CEP135: variants seen among roughly 807,000 people sequenced by gnomAD.
The protein encoded by CEP135 is centrosomal protein of 135 kDa.
A neutral mutation model predicts 157.3 loss-of-function variants in CEP135; 142 were observed. The observed-to-expected ratio is 0.90, with a 90% confidence interval of 0.79 to 1.04. The LOEUF (loss-of-function observed/expected upper bound fraction) is 1.04, where lower values mean the gene tolerates loss of function less well. Ranked by LOEUF, CEP135 falls within the 50% of genes least tolerant of loss-of-function variation. CEP135 has a pLI of 0.00. For missense variants in CEP135, 1,317 were observed against 1,309.2 expected, an observed-to-expected ratio of 1.01 and a Z score of -0.09; for synonymous variants, 396 against 439.8, an observed-to-expected ratio of 0.90 and a Z score of 1.25.
In CEP135 at chr4:55,974,749, G is replaced by A. The variant is rs771786476; in HGVS notation, c.1253G>A (p.Arg418Gln). 5.0e-6 allele frequency: 8 copies of A among 1,608,740 alleles called. No homozygotes were observed. The highest frequency in any genetic ancestry group is 4.5e-5 in the East Asian group (2 of 44,802). Residue 418 changes from arginine (R) to glutamine (Q), a missense_variant, in exon 11 of 26, where the codon CGA becomes CAA. Arg to Gln is a conservative substitution (Grantham distance 43). Transcript: ENST00000257287. ...KKVESFAVTE[R>Q]QLTLEVERMR... The stretch of plus-strand genomic sequence containing the variant: ...AGTTAACCACTTTAATTTACAGAAC[G>A]ACAACTTACTCTGGAGGTTGAGAGG...
chr4:55,999,237 A>AT (rs1560415867), intron 15 of CEP135, 65 bp from the exon 16 acceptor site: 2 of 1,278,056 alleles, frequency 1.6e-6, no homozygotes, highest in Admixed American at 4.6e-5. Flanking sequence ...AAGAAATCTC[A>AT]TTTTTTAAAC....
intron 8 of CEP135, 43 bp downstream of exon 8, chr4:55,965,902 C>T: frequency 1.4e-6 from 2 of 1,465,542 alleles, no homozygotes; most frequent in Non-Finnish European, 1.9e-6. Context: ...TTCATTAATT[C>T]TCCTAGCACA....
At chr4:56,023,357 G>C (rs547254624) in intron 24 of CEP135, among the ~76,000 whole-genome samples, 8 of 152,228 alleles carry the variant, frequency 5.3e-5, no homozygotes, top group African/African-American at 1.7e-4. Flanking sequence ...TGTCATGCAA[G>C]CTAAGGGTGG....
At chr4:56,006,482 T>G (rs1309674871) in intron 17 of CEP135, among the ~76,000 whole-genome samples, 1 of 152,148 alleles carries the variant, frequency 6.6e-6, no homozygotes, top group Non-Finnish European at 1.5e-5. Context: ...CCAAGTGTGG[T>G]GATGTGCACC....
Position 55,957,380 on chromosome 4 carries a change from C to T in CEP135, c.614+16C>T. ...CTGATAACAGGTGCATTAAATAATT[C>T]TTTCTTGGCTTGAGTTAATTGAGCA... On this transcript the variant is annotated intron_variant, in intron 5 of 25. Coordinates refer to ENST00000257287, the MANE Select transcript of CEP135 (RefSeq NM_025009.5). The T allele has an allele frequency of 6.2e-7, 1 of 1,603,360 alleles. No homozygotes were observed. Among genetic ancestry groups the T allele is most frequent in the Non-Finnish European group, 8.5e-7 (1 of 1,177,070 alleles).
chr4:56,019,204 T>C, intron 22 of CEP135, 149 bp from the exon 23 acceptor site: 1 of 610,256 alleles, frequency 1.6e-6, no homozygotes, highest in South Asian at 2.3e-5. Flanking sequence ...TTCTTATACT[T>C]AAAGAAACAG....
At chr4:55,972,487 A>G (rs78176835) in intron 10 of CEP135, among the ~76,000 whole-genome samples, 3,727 of 152,312 alleles carry the variant, frequency 0.024, 67 homozygotes, top group Admixed American at 0.06. Flanking sequence ...GAAACTTGGT[A>G]CCATCAAACT....
chr4:56,008,364 A>T lies in CEP135; in HGVS notation c.2318A>T (p.Glu773Val), dbSNP rs1380632131. ...GCTCAAATGAAGATAATGATCTCAG[A>T]GTGTGAATCATCTGTGAAGTAAGTC... ...AVAQMKIMIS[E>V]CESSVNQLKE... Residue 773 changes from glutamate to valine, a missense_variant, in exon 18 of 26, where the codon GAG becomes GTG. Coordinates refer to ENST00000257287, the MANE Select transcript of CEP135 (RefSeq NM_025009.5). 6.2e-7 allele frequency: 1 copy of T among 1,610,056 alleles called. No individual in the cohort carries two copies. The highest frequency in any genetic ancestry group is 1.3e-5 in the African/African-American group (1 of 74,854).
intron 4 of CEP135, among the ~76,000 whole-genome samples, chr4:55,956,999 G>T (rs1184027533): frequency 6.6e-6 from 1 of 152,094 alleles, no homozygotes; most frequent in East Asian, 1.9e-4. Context: ...AAGCTTGCAG[G>T]CATATAAAAC....
chr4:55,949,781 A>T (rs1024645972), intron 1 of CEP135, among the ~76,000 whole-genome samples: 1 of 152,232 alleles, frequency 6.6e-6, no homozygotes, highest in Non-Finnish European at 1.5e-5. Flanking sequence ...GATGGGGGTT[A>T]TGGGGAAAGA....
chr4:55,992,147 T>G (rs1560413082), intron 15 of CEP135, 62 bp downstream of exon 15: 14 of 1,511,042 alleles, frequency 9.3e-6, no homozygotes, highest in Non-Finnish European at 1.3e-5. Context: ...TATGTAAAGT[T>G]TATAATCATG....
At position 56,019,450 on chromosome 4, in the gene CEP135, T is replaced by C; in HGVS notation, c.3110T>C (p.Leu1037Ser). The C allele has an allele frequency of 6.2e-7, 1 of 1,614,030 alleles. No individual in the cohort carries two copies. The highest frequency in any genetic ancestry group is 8.5e-7 in the Non-Finnish European group (1 of 1,179,924). Reference protein sequence around the residue: ...RHTVKNLESLLATNRDKEFHS... With the variant: ...RHTVKNLESLSATNRDKEFHS... ...ACAGTTAAAAACCTCGAATCATTGT[T>C]GGCTACAAACAGAGATAAAGAATTT... The change falls in exon 23 of 26, where the codon TTG (leucine) becomes TCG (serine). Residue 1037 changes from leucine (L) to serine (S), a missense_variant. By Grantham distance (145) the Leu-to-Ser change is moderately radical. Transcript: ENST00000257287.
At chr4:56,012,112 C>T in intron 21 of CEP135, 127 bp downstream of exon 21, 3 of 569,734 alleles carry the variant, frequency 5.3e-6, no homozygotes, top group Non-Finnish European at 8.2e-6. Flanking sequence ...GGCTGGAGTG[C>T]AATGGCACGA....
chr4:56,030,770 A>G (rs1731312726), intron 25 of CEP135, among the ~76,000 whole-genome samples: 1 of 152,084 alleles, frequency 6.6e-6, no homozygotes, highest in South Asian at 2.1e-4. Flanking sequence ...TTCTTGTTAT[A>G]ATGCAGTATC....
chr4:55,961,764 T>TAAAAAAAAAAAAAAAAA (rs564116620), intron 6 of CEP135, among the ~76,000 whole-genome samples: 1 of 54,186 alleles, frequency 1.8e-5, no homozygotes, highest in Non-Finnish European at 3.2e-5. Context: ...AAACTCTGTC[T>TAAAAAAAAAAAAAAAAA]AAAAAAAAAA....
rs199977626 is a variant in CEP135, at chr4:56,009,817, G to C, written c.2419G>C (p.Asp807His). 5 of 1,613,996 alleles carry C rather than the reference G, an allele frequency of 3.1e-6. No individual in the cohort carries two copies. The highest frequency in any genetic ancestry group is 4.2e-6 in the Non-Finnish European group (5 of 1,180,004). Residue 807 changes from aspartate to histidine, a missense_variant, in exon 19 of 26, where the codon GAT becomes CAT. Transcript: ENST00000257287. ...GCTTGATGCAGCTCACAAAGAACTCGATGAAGTAGGAAGATCTAGAGAAAT... is the reference window on the plus strand; with the variant it reads ...GCTTGATGCAGCTCACAAAGAACTCCATGAAGTAGGAAGATCTAGAGAAAT... Reference protein sequence around the residue: ...RQLDAAHKELDEVGRSREIAF... With the variant: ...RQLDAAHKELHEVGRSREIAF...
chr4:56,020,562 T>A, intron 23 of CEP135, 114 bp from the exon 24 acceptor site: 1 of 766,710 alleles, frequency 1.3e-6, no homozygotes, highest in African/African-American at 1.7e-5. Flanking sequence ...TCTAGAAGTT[T>A]AGAGAATTCT....
chr4:55,968,502 G>C (rs183474285), intron 8 of CEP135, among the ~76,000 whole-genome samples: 145 of 151,928 alleles, frequency 9.5e-4, no homozygotes, highest in African/African-American at 3.3e-3. Flanking sequence ...TGTTTTTGTG[G>C]TTTTAGTTTC....
chr4:56,011,395 A>G lies in CEP135; in HGVS notation c.2506-17A>G, dbSNP rs1210394743. 1 of 1,522,550 alleles carries G rather than the reference A, an allele frequency of 6.6e-7. No individual in the cohort carries two copies. The highest frequency in any genetic ancestry group is 1.9e-5 in the Admixed American group (1 of 52,752). The allele number at this position is 1,522,550 out of a possible 1,614,324, so 94.3% of individuals were successfully genotyped here. A position where few individuals can be genotyped will look rare whatever the true frequency, so the allele number is the denominator to read the frequency against. ...GTTGTGTTCATTTTAGATTGTCTTT[A>G]ATTTTCTGATTTGTAGGAAATCTCA... On this transcript the variant is annotated splice_polypyrimidine_tract_variant and intron_variant, in intron 19 of 25. Coordinates refer to ENST00000257287, the MANE Select transcript of CEP135 (RefSeq NM_025009.5).
Sources: gnomAD v4.1 joint callset for allele counts (sites outside exome capture counted in the v4.1 genomes callset) on GRCh38, gnomAD v4.1.1 for gene constraint, MANE v1.5 for transcripts, NCBI Gene and HGNC (gene_info 2026-07-23, HGNC 2026-07-21) for gene names.